PBX1: variants seen among roughly 807,000 people sequenced by gnomAD.
PBX1 encodes the protein pre-B-cell leukemia transcription factor 1.
Under a neutral mutation model 53.4 loss-of-function variants are expected in PBX1, and 6 were observed. The observed-to-expected ratio is 0.11, with a 90% CI of 0.06 to 0.22. The LOEUF (loss-of-function observed/expected upper bound fraction) is 0.22. Ranked by LOEUF, PBX1 falls within the 10% of genes least tolerant of loss-of-function variation. The probability of loss-of-function intolerance (pLI) is 1.00; values close to 1 mark genes in which losing one functional copy is unlikely to be tolerated. For missense variants in PBX1, 251 were observed against 551.4 expected (o/e 0.46, Z 5.46); for synonymous variants, 204 against 212.3 (o/e 0.96, Z 0.34).
chr1:164,644,084 T>C (rs1659308177), intron 2 of PBX1, among the ~76,000 whole-genome samples: 2 of 152,240 alleles, frequency 1.3e-5, no homozygotes, highest in Admixed American at 1.3e-4. Context: ...TAAATGTCGA[T>C]GATGTCCCTA....
chr1:164,839,016 G>A (rs367760891), intron 8 of PBX1, among the ~76,000 whole-genome samples: 1 of 152,074 alleles, frequency 6.6e-6, no homozygotes, highest in Non-Finnish European at 1.5e-5. Context: ...TCTCCTCTCC[G>A]GTCCTGTCTT....
chr1:164,854,945 CTTTTTTTT>C (rs539213655), downstream of PBX1, among the ~76,000 whole-genome samples: 1 of 116,364 alleles, frequency 8.6e-6, no homozygotes, highest in African/African-American at 3.3e-5. Flanking sequence ...CTCTCTCTCT[CTTTTTTTT>C]TTTTTTTTTT....
At chr1:164,643,493 T>A (rs1037717663) in intron 2 of PBX1, among the ~76,000 whole-genome samples, 1 of 152,172 alleles carries the variant, frequency 6.6e-6, no homozygotes, top group Non-Finnish European at 1.5e-5. Context: ...TGTGGCATAC[T>A]GCAGATAGGG....
At chr1:164,680,090 C>T (rs544827347) in intron 2 of PBX1, 4 of 152,160 alleles carry the variant, frequency 2.6e-5, no homozygotes, top group South Asian at 4.2e-4. Flanking sequence ...TGTGGAAATC[C>T]GGCCTGTAGT....
intron 2 of PBX1, among the ~76,000 whole-genome samples, chr1:164,630,316 T>C (rs1025320011): frequency 2.6e-5 from 4 of 152,174 alleles, no homozygotes. Context: ...ATGTTTTACA[T>C]GGATGGGTAA....
intron 8 of PBX1, among the ~76,000 whole-genome samples, chr1:164,834,923 TGATTGCAAATTA>T (rs1206234721): frequency 6.6e-6 from 1 of 152,220 alleles, no homozygotes; most frequent in Non-Finnish European, 1.5e-5. Context: ...AATTTTTTTC[TGATTGCAAATTA>T]GTATTTAATG....
chr1:164,862,163 T>C (rs1177923501), intron 2 of PBX1, among the ~76,000 whole-genome samples: 2 of 152,098 alleles, frequency 1.3e-5, no homozygotes, highest in African/African-American at 2.4e-5. Flanking sequence ...GCAATTGCAA[T>C]ATTTGGGGCA....
intron 5 of PBX1, 91 bp from the exon 6 acceptor site, chr1:164,811,899 C>G: frequency 2.8e-5 from 29 of 1,036,606 alleles, no homozygotes; most frequent in Non-Finnish European, 3.3e-5. Context: ...TAGCTTACCT[C>G]TTCACCTCTC....
At chr1:164,857,530 T>C (rs1394809641) in intron 2 of PBX1, among the ~76,000 whole-genome samples, 1 of 152,218 alleles carries the variant, frequency 6.6e-6, no homozygotes, top group Non-Finnish European at 1.5e-5. Flanking sequence ...CTATAGCCTC[T>C]TACCCAGGAA....
chr1:164,789,971 T>C (rs1180103200), intron 2 of PBX1, among the ~76,000 whole-genome samples: 1 of 151,982 alleles, frequency 6.6e-6, no homozygotes, highest in African/African-American at 2.4e-5. Context: ...GGCGATTCTT[T>C]TTTTTTTCTA....
intron 2 of PBX1, among the ~76,000 whole-genome samples, chr1:164,757,397 C>A (rs775073122): frequency 1.3e-5 from 2 of 152,098 alleles, no homozygotes; most frequent in Admixed American, 6.6e-5. Context: ...ATATTGAAGT[C>A]GTATCTATTC....
intron 2 of PBX1, among the ~76,000 whole-genome samples, chr1:164,679,207 T>A (rs1437284643): frequency 6.6e-6 from 1 of 152,220 alleles, no homozygotes; most frequent in Non-Finnish European, 1.5e-5. Context: ...GATGCCTTTT[T>A]ATCTGGTTAA....
chr1:164,603,393 G>T (rs1656311730), intron 2 of PBX1, among the ~76,000 whole-genome samples: 1 of 152,170 alleles, frequency 6.6e-6, no homozygotes, highest in Non-Finnish European at 1.5e-5. Context: ...GCAAAATAAT[G>T]CGGATTTGTC....
intron 2 of PBX1, among the ~76,000 whole-genome samples, chr1:164,624,328 G>A (rs756902053): frequency 9.2e-5 from 14 of 152,228 alleles, no homozygotes; most frequent in Non-Finnish European, 1.6e-4. Context: ...TCAAGACCAT[G>A]TAAGCTCAGA....
At chr1:164,864,692 G>A (rs1490722204) in intron 2 of PBX1, among the ~76,000 whole-genome samples, 6 of 152,144 alleles carry the variant, frequency 3.9e-5, no homozygotes, top group African/African-American at 1.4e-4. Context: ...GGTCAGCCTG[G>A]CCTATCCCAG....
chr1:164,571,824 T>A (rs1297378790), intron 2 of PBX1, among the ~76,000 whole-genome samples: 1 of 138,954 alleles, frequency 7.2e-6, no homozygotes, highest in Non-Finnish European at 1.5e-5. Context: ...GCACATTTTT[T>A]AAAAACAGCT....
At chr1:164,660,845 G>A (rs1006690075) in intron 2 of PBX1, among the ~76,000 whole-genome samples, 1 of 152,114 alleles carries the variant, frequency 6.6e-6, no homozygotes, top group Admixed American at 6.5e-5. Context: ...CATATCAGTT[G>A]TTCAGACTAC....
chr1:164,643,732 C>T (rs1034426553), intron 2 of PBX1, among the ~76,000 whole-genome samples: 3 of 152,212 alleles, frequency 2.0e-5, no homozygotes, highest in Middle Eastern at 3.4e-3. Flanking sequence ...AAATAGCCAA[C>T]GAAGAAGCAA....
intron 8 of PBX1, among the ~76,000 whole-genome samples, chr1:164,832,703 A>C (rs1670828715): frequency 6.6e-6 from 1 of 152,136 alleles, no homozygotes; most frequent in African/African-American, 2.4e-5. Flanking sequence ...AGAAAAAGAA[A>C]AGTAGGAAGA....
Sources: allele counts gnomAD v4.1 joint callset (sites outside exome capture counted in the v4.1 genomes callset), GRCh38; gene constraint gnomAD v4.1.1; transcripts MANE v1.5; gene names NCBI Gene and HGNC (gene_info 2026-07-23, HGNC 2026-07-21).